Variants in NOX4 observed in about 807,000 individuals in gnomAD.
The protein encoded by NOX4 is NADPH oxidase 4.
Under a neutral mutation model 87.6 loss-of-function variants are expected in NOX4, and 69 were observed. That is an observed-to-expected ratio of 0.79 (90% CI 0.65 to 0.96). The LOEUF is 0.96. NOX4 is among the 40% of genes least tolerant of loss of function. The pLI is 0.00. For synonymous variants in NOX4, 275 were observed against 238.2 expected, an observed-to-expected ratio of 1.15 and a Z score of -1.42; for missense variants, 680 against 681.5, an observed-to-expected ratio of 1.00 and a Z score of 0.02.
At position 89,432,780 on chromosome 11, in the gene NOX4, T is replaced by C. The variant is rs199572400; in HGVS notation, c.548+4A>G. On this transcript the variant is annotated splice_donor_region_variant and intron_variant, in intron 7 of 17. Coordinates refer to ENST00000263317, the MANE Select transcript of NOX4 (RefSeq NM_016931.5). Reference sequence around the variant, plus strand: ...ACATCAAAATAATTGATTCTGACACTTACCTTATTGCATATGTAGAGGCTG... The same window carrying C: ...ACATCAAAATAATTGATTCTGACACCTACCTTATTGCATATGTAGAGGCTG... 4 of 1,597,254 alleles carry C rather than the reference T, an allele frequency of 2.5e-6. No homozygotes were observed. In the African/African-American group the frequency reaches 5.4e-5, roughly 21 times the overall value.
chr11:89,440,226 A>G (rs1944397931), intron 6 of NOX4, among the ~76,000 whole-genome samples: 1 of 152,156 alleles, frequency 6.6e-6, no homozygotes, highest in Admixed American at 6.6e-5. Context: ...AACTCCAAAT[A>G]TTTATTCTTA....
At chr11:89,544,647 G>T in the NOX4 span, among the ~76,000 whole-genome samples, 1 of 152,082 alleles carries the variant, frequency 6.6e-6, no homozygotes, top group Non-Finnish European at 1.5e-5. Context: ...TAGAAAAGAT[G>T]AATCTTAGAG....
intron 2 of NOX4, among the ~76,000 whole-genome samples, chr11:89,474,739 A>AT (rs979636187): frequency 2.0e-5 from 3 of 151,822 alleles, no homozygotes; most frequent in African/African-American, 7.2e-5. Flanking sequence ...GGAAGTTTCT[A>AT]TTTTTTTCTA....
At chr11:89,572,188 G>A in the NOX4 span, among the ~76,000 whole-genome samples, 21 of 152,212 alleles carry the variant, frequency 1.4e-4, 1 homozygote, top group South Asian at 2.5e-3. Flanking sequence ...GCTCTGTCAG[G>A]GGCCATGTCC....
chr11:89,587,475 A>C, the NOX4 span, among the ~76,000 whole-genome samples: 3 of 133,760 alleles, frequency 2.2e-5, no homozygotes, highest in Non-Finnish European at 3.4e-5. Flanking sequence ...CAAAGGTGGG[A>C]GAGGGAAAGG....
the NOX4 span, among the ~76,000 whole-genome samples, chr11:89,578,919 T>A: frequency 1.3e-5 from 2 of 152,212 alleles, no homozygotes; most frequent in African/African-American, 4.8e-5. Flanking sequence ...TTCACTTCAA[T>A]GGGTGAATGG....
upstream of NOX4, among the ~76,000 whole-genome samples, chr11:89,500,723 A>G (rs552661080): frequency 3.3e-5 from 5 of 152,274 alleles, 1 homozygote; most frequent in South Asian, 1.0e-3. Context: ...ATATTATCTG[A>G]AGAATAATGA....
At chr11:89,389,867 C>T (rs572767124) in intron 11 of NOX4, among the ~76,000 whole-genome samples, 24 of 152,240 alleles carry the variant, frequency 1.6e-4, no homozygotes, top group African/African-American at 5.8e-4. Flanking sequence ...TATTTAGTCT[C>T]TCTGAGCCAC....
intron 17 of NOX4, among the ~76,000 whole-genome samples, chr11:89,332,542 C>G (rs1029221792): frequency 4.6e-5 from 7 of 151,918 alleles, no homozygotes; most frequent in African/African-American, 1.7e-4. Flanking sequence ...TAGAATATCT[C>G]TATTTCAAAA....
chr11:89,538,650 G>T, the NOX4 span, among the ~76,000 whole-genome samples: 3 of 152,030 alleles, frequency 2.0e-5, no homozygotes, highest in South Asian at 4.2e-4. Flanking sequence ...TCTGTTTGGG[G>T]TTTCATTATG....
intron 2 of NOX4, among the ~76,000 whole-genome samples, chr11:89,462,320 A>G (rs1283909408): frequency 6.6e-6 from 1 of 152,180 alleles, no homozygotes; most frequent in Non-Finnish European, 1.5e-5. Flanking sequence ...AACTCGATGT[A>G]ACTCCAGTCA....
rs540829437 is a variant in NOX4, at chr11:89,355,230, G to A, written c.1136-187C>T. ...ACATAGTGTATGTATGTGTGTGTGT[G>A]TATATATATATAGATGGATTATAAT... On this transcript the variant is annotated intron_variant, in intron 12 of 17. Coordinates refer to ENST00000263317, the MANE Select transcript of NOX4 (RefSeq NM_016931.5). Among the ~76,000 whole-genome samples, 26 of 149,172 alleles carry A rather than the reference G, an allele frequency of 1.7e-4. No homozygotes were observed. The South Asian group carries it at 4.2e-3, about 24-fold the overall frequency.
chr11:89,479,165 T>A (rs1040864557), intron 2 of NOX4, among the ~76,000 whole-genome samples: 5 of 152,152 alleles, frequency 3.3e-5, no homozygotes, highest in Non-Finnish European at 5.9e-5. Flanking sequence ...AGTCTATGCT[T>A]CCATATAAGG....
chr11:89,548,627 G>T, the NOX4 span: 1 of 152,010 alleles, frequency 6.6e-6, no homozygotes, highest in East Asian at 1.9e-4. Flanking sequence ...CCTCTAATGG[G>T]GTAAAAAGAA....
chr11:89,455,877 AAAG>A (rs971146524), intron 2 of NOX4, among the ~76,000 whole-genome samples: 17 of 152,046 alleles, frequency 1.1e-4, no homozygotes, highest in African/African-American at 3.4e-4. Context: ...GAGCTAAAAA[AAAG>A]AAATTGAACT....
intron 13 of NOX4, among the ~76,000 whole-genome samples, chr11:89,347,252 C>G (rs911693293): frequency 6.6e-6 from 1 of 152,146 alleles, no homozygotes; most frequent in Non-Finnish European, 1.5e-5. Flanking sequence ...AGCATATCAC[C>G]CAGAGCCACC....
At chr11:89,381,642 T>C (rs1489586849) in intron 11 of NOX4, among the ~76,000 whole-genome samples, 1 of 152,184 alleles carries the variant, frequency 6.6e-6, no homozygotes, top group African/African-American at 2.4e-5. Context: ...AAAGCCTGTT[T>C]GGTGGTCTTT....
chr11:89,508,295 G>A, the NOX4 span, among the ~76,000 whole-genome samples: 3 of 152,034 alleles, frequency 2.0e-5, no homozygotes, highest in African/African-American at 4.8e-5. Flanking sequence ...TTGTAAATGA[G>A]CGCCAGCTCT....
intron 2 of NOX4, among the ~76,000 whole-genome samples, chr11:89,467,276 G>A (rs1316262501): frequency 2.0e-5 from 3 of 148,584 alleles, no homozygotes; most frequent in Admixed American, 6.8e-5. Context: ...GTGTGAACCC[G>A]GGAGGTGGAG....
Sources: gnomAD v4.1 joint callset for allele counts (sites outside exome capture counted in the v4.1 genomes callset) on GRCh38, gnomAD v4.1.1 for gene constraint, MANE v1.5 for transcripts, NCBI Gene and HGNC (gene_info 2026-07-23, HGNC 2026-07-21) for gene names.